The following RBKS variants were observed in gnomAD, a reference collection of about 807,000 sequenced individuals.
RBKS encodes ribokinase.
In RBKS, 33 loss-of-function variants were observed where a neutral mutation model predicts 33.9. The ratio of observed to expected loss-of-function variants is 0.97; its 90% CI spans 0.74 to 1.30. The LOEUF is 1.30. RBKS is among the 50% of genes most tolerant of loss of function. The pLI, the probability that RBKS is intolerant of heterozygous loss-of-function variation, is 0.00. For synonymous variants in RBKS, 125 were observed against 143.0 expected, an observed-to-expected ratio of 0.87 and a Z score of 0.90; for missense variants, 361 against 392.6, an observed-to-expected ratio of 0.92 and a Z score of 0.68.
chr2:27,879,824 C>G (rs1278951863), intron 1 of RBKS, among the ~76,000 whole-genome samples: 2 of 152,132 alleles, frequency 1.3e-5, no homozygotes, highest in African/African-American at 4.8e-5. Context: ...CAACAATGAG[C>G]TCCGAAACTG....
intron 4 of RBKS, among the ~76,000 whole-genome samples, chr2:27,845,774 A>C (rs1663609616): frequency 6.6e-6 from 1 of 152,226 alleles, no homozygotes; most frequent in African/African-American, 2.4e-5. Context: ...ATTATAAATA[A>C]AAGACACATT....
intron 7 of RBKS, among the ~76,000 whole-genome samples, chr2:27,794,624 C>A: frequency 7.2e-6 from 1 of 139,256 alleles, no homozygotes; most frequent in African/African-American, 2.7e-5. Context: ...GTTTTTTTTT[C>A]TTTTTTTTTT....
chr2:27,783,365 C>T (rs562209905), intron 7 of RBKS, among the ~76,000 whole-genome samples: 1 of 152,302 alleles, frequency 6.6e-6, no homozygotes, highest in East Asian at 1.9e-4. Flanking sequence ...GCCGTTTCTT[C>T]ATTAAAAATG....
chr2:27,883,055 T>C (rs1558559460), intron 1 of RBKS, among the ~76,000 whole-genome samples: 1 of 152,024 alleles, frequency 6.6e-6, no homozygotes, highest in Non-Finnish European at 1.5e-5. Context: ...TGAGTTTACC[T>C]ATATAACAAA....
chr2:27,787,371 C>T (rs554968594), intron 7 of RBKS, among the ~76,000 whole-genome samples: 46 of 152,134 alleles, frequency 3.0e-4, no homozygotes, highest in African/African-American at 1.1e-3. Flanking sequence ...ATGTCAAGCC[C>T]GCAGTGAGCC....
chr2:27,837,738 T>A lies in RBKS; in HGVS notation c.515-4961A>T, dbSNP rs1678553795. Among the ~76,000 whole-genome samples the A allele has an allele frequency of 1.3e-5, 2 of 152,100 alleles. No homozygotes were observed. The highest frequency in any genetic ancestry group is 2.9e-5 in the Non-Finnish European group (2 of 68,008). On this transcript the variant is annotated intron_variant, in intron 5 of 7. Transcript: ENST00000302188. The surrounding 1 kb of genome is among the most constrained non-coding windows in gnomAD (Gnocchi z 4.0). The stretch of plus-strand genomic sequence containing the variant: ...ATTAAAATAAGAACAGAAAACCAAA[T>A]ACCACATGTATTCACTTATAAGTGG...
intron 7 of RBKS, among the ~76,000 whole-genome samples, chr2:27,787,166 T>A (rs1300848162): frequency 6.6e-6 from 1 of 152,158 alleles, no homozygotes; most frequent in Non-Finnish European, 1.5e-5. Context: ...TCTTTTTATA[T>A]TTTGTAGAGA....
intron 1 of RBKS, among the ~76,000 whole-genome samples, chr2:27,889,356 T>G (rs1664650506): frequency 6.6e-6 from 1 of 152,246 alleles, no homozygotes; most frequent in African/African-American, 2.4e-5. Context: ...GAGGTGTTAC[T>G]GTAGCATACC....
chr2:27,814,381 A>G (rs1464769235), intron 7 of RBKS, among the ~76,000 whole-genome samples: 1 of 152,190 alleles, frequency 6.6e-6, no homozygotes, highest in African/African-American at 2.4e-5. Flanking sequence ...TGTTCATGAT[A>G]TTATTCTCTA....
chr2:27,877,517 G>T (rs1352578694), intron 1 of RBKS, among the ~76,000 whole-genome samples: 1 of 151,862 alleles, frequency 6.6e-6, no homozygotes, highest in Admixed American at 6.6e-5. Context: ...GAGAGAATTT[G>T]ACTATCTCTT....
Position 27,843,166 on chromosome 2 carries a change from C to T in RBKS, c.415G>A (p.Ala139Thr). ...LLLNTEDLRA[A>T]ANVISRAKVM... ...TTGGCTCTGCTAATGACATTGGCTG[C>T]TGCCCTCAGATCCTCCGTATTCAAA... The change falls in exon 5 of 8, where the codon GCA (alanine) becomes ACA (threonine). Residue 139 changes from alanine to threonine, a missense_variant. By Grantham distance (58) the Ala-to-Thr change is moderately conservative. Coordinates refer to ENST00000302188, the MANE Select transcript of RBKS (RefSeq NM_022128.3). The T allele has an allele frequency of 6.2e-7, 1 of 1,612,382 alleles. No homozygotes were observed. The highest frequency in any genetic ancestry group is 8.5e-7 in the Non-Finnish European group (1 of 1,179,292).
At chr2:27,886,112 T>C (rs928631188) in intron 1 of RBKS, among the ~76,000 whole-genome samples, 2 of 152,224 alleles carry the variant, frequency 1.3e-5, no homozygotes, top group Non-Finnish European at 2.9e-5. Context: ...GAGAAAAATA[T>C]AAGTGAGTAT....
At chr2:27,826,825 T>C (rs986377848) in intron 7 of RBKS, among the ~76,000 whole-genome samples, 5 of 152,230 alleles carry the variant, frequency 3.3e-5, no homozygotes, top group African/African-American at 1.2e-4. Context: ...GCTTGTTCAC[T>C]TAGCACACTT....
chr2:27,850,875 G>A (rs1046390813), intron 2 of RBKS, among the ~76,000 whole-genome samples: 3 of 152,128 alleles, frequency 2.0e-5, no homozygotes, highest in African/African-American at 4.8e-5. Context: ...TGTCCAGGGG[G>A]TTCTGAAAAT....
chr2:27,781,638 C>G lies in RBKS; in HGVS notation c.946G>C (p.Asp316His), dbSNP rs779501262. The change falls in exon 8 of 8, where the codon GAC becomes CAC. Residue 316 changes from aspartate to histidine, a missense_variant. Physicochemically the swap from Asp to His is moderately conservative, Grantham distance 81. Transcript: ENST00000302188. ...GTQSSYPYKK[D>H]LPLTLF Reference sequence around the variant, plus strand: ...AATCAAAACAGAGTAAGCGGAAGGTCTTTTTTGTAAGGGTAAGATGACTGT... The same window carrying G: ...AATCAAAACAGAGTAAGCGGAAGGTGTTTTTTGTAAGGGTAAGATGACTGT... The G allele has an allele frequency of 6.2e-7, 1 of 1,612,348 alleles. No individual in the cohort carries two copies. Among genetic ancestry groups the G allele is most frequent in the Admixed American group, 1.7e-5 (1 of 59,624 alleles).
chr2:27,888,190 C>T (rs886140122), intron 1 of RBKS, among the ~76,000 whole-genome samples: 6 of 151,678 alleles, frequency 4.0e-5, no homozygotes, highest in African/African-American at 1.2e-4. Flanking sequence ...TGCAATGGCG[C>T]GATCTCAGCT....
chr2:27,885,997 C>T (rs1347300821), intron 1 of RBKS, among the ~76,000 whole-genome samples: 1 of 152,166 alleles, frequency 6.6e-6, no homozygotes, highest in Non-Finnish European at 1.5e-5. Context: ...GGAAATCTGT[C>T]TTTGGAAAAT....
intron 7 of RBKS, among the ~76,000 whole-genome samples, chr2:27,783,908 GAAAAAAAAAAAGAA>G (rs1465919921): frequency 5.1e-4 from 12 of 23,648 alleles, no homozygotes; most frequent in South Asian, 1.3e-3. Flanking sequence ...CTCTGTCTCA[GAAAAAAAAAAAGAA>G]AAAAAAAAAA....
chr2:27,793,594 G>T (rs1157334886), intron 7 of RBKS, among the ~76,000 whole-genome samples: 1 of 152,172 alleles, frequency 6.6e-6, no homozygotes, highest in African/African-American at 2.4e-5. Flanking sequence ...AAATATCAGT[G>T]TCATGAAAGA....
Sources: gnomAD v4.1 joint callset for allele counts (sites outside exome capture counted in the v4.1 genomes callset) on GRCh38, gnomAD v4.1.1 for gene constraint, Gnocchi (gnomAD v3.1) non-coding constraint, MANE v1.5 for transcripts, NCBI Gene and HGNC (gene_info 2026-07-23, HGNC 2026-07-21) for gene names.